PHF14: variants seen among roughly 807,000 people sequenced by gnomAD.
PHF14 encodes PHD finger protein 14.
In PHF14, 55 loss-of-function variants were observed where a neutral mutation model predicts 117.9. The observed-to-expected ratio is 0.47, with a 90% CI of 0.38 to 0.58. The LOEUF (loss-of-function observed/expected upper bound fraction) is 0.58. Among genes scored for constraint, PHF14 ranks in the 20% least tolerant of loss-of-function variants. The pLI is 0.00. For synonymous variants in PHF14, 409 were observed against 368.6 expected (o/e 1.11, Z -1.26); for missense variants, 978 against 1,122.2 (o/e 0.87, Z 1.84).
intron 16 of PHF14, among the ~76,000 whole-genome samples, chr7:11,084,814 A>G (rs1786318385): frequency 6.6e-6 from 1 of 152,138 alleles, no homozygotes; most frequent in African/African-American, 2.4e-5. Context: ...GTATTTTGTA[A>G]CAATCAGTTT....
rs560584305 is a variant in PHF14 at position 11,142,266 on chromosome 7, A to G, written c.2773-27150A>G. Among the ~76,000 whole-genome samples the G allele has an allele frequency of 8.5e-5, 13 of 152,142 alleles. No individual in the cohort carries two copies. In the South Asian group the frequency reaches 2.7e-3, roughly 31 times the overall value. On this transcript the variant is annotated intron_variant, in intron 17 of 17. Transcript: ENST00000634607. Reference sequence around the variant, plus strand: ...TAAACTCAGGTATCTTCACATTTAAAGCTGGTAGAAATACATGATGCCCTT... The same window carrying G: ...TAAACTCAGGTATCTTCACATTTAAGGCTGGTAGAAATACATGATGCCCTT...
chr7:11,013,512 G>A (rs1783424550), intron 4 of PHF14, among the ~76,000 whole-genome samples: 1 of 151,972 alleles, frequency 6.6e-6, no homozygotes, highest in Non-Finnish European at 1.5e-5. Context: ...CACCTTTAAT[G>A]CTTTTACAGT....
intron 3 of PHF14, among the ~76,000 whole-genome samples, chr7:10,987,549 G>C (rs1462319600): frequency 1.3e-5 from 2 of 151,946 alleles, no homozygotes; most frequent in African/African-American, 4.8e-5. Flanking sequence ...TATAAGTAGT[G>C]ATTGATTTAT....
At chr7:11,076,607 G>A (rs1340035857) in intron 16 of PHF14, among the ~76,000 whole-genome samples, 1 of 137,034 alleles carries the variant, frequency 7.3e-6, no homozygotes, top group East Asian at 2.2e-4. Context: ...TCACTGTGTA[G>A]CCCAGGCTGG....
At chr7:11,062,940 A>G in intron 16 of PHF14, 1 of 966,586 alleles carries the variant, frequency 1.0e-6, no homozygotes, top group Non-Finnish European at 1.2e-6. Flanking sequence ...AAGCCCTGTT[A>G]AATTAACTGA....
intron 17 of PHF14, among the ~76,000 whole-genome samples, chr7:11,113,983 T>A (rs1441178897): frequency 6.6e-6 from 1 of 152,118 alleles, no homozygotes; most frequent in African/African-American, 2.4e-5. Flanking sequence ...TTCTCCTACA[T>A]TTGCTTAGGT....
chr7:11,006,024 C>A (rs1373004814), intron 4 of PHF14, among the ~76,000 whole-genome samples: 1 of 151,926 alleles, frequency 6.6e-6, no homozygotes, highest in Non-Finnish European at 1.5e-5. Context: ...GATCTCCAGA[C>A]CTCATGATCT....
chr7:11,142,544 C>G (rs1482036205), intron 17 of PHF14, among the ~76,000 whole-genome samples: 1 of 152,020 alleles, frequency 6.6e-6, no homozygotes, highest in East Asian at 1.9e-4. Flanking sequence ...ACCAAGATAA[C>G]ATCAGCATTT....
chr7:11,014,625 A>G (rs996788916), intron 5 of PHF14, among the ~76,000 whole-genome samples: 2 of 152,148 alleles, frequency 1.3e-5, no homozygotes, highest in African/African-American at 4.8e-5. Context: ...TACTCCACCC[A>G]TACCTGCTGA....
intron 17 of PHF14, among the ~76,000 whole-genome samples, chr7:11,152,135 C>A (rs1302165535): frequency 3.3e-5 from 5 of 151,264 alleles, no homozygotes; most frequent in African/African-American, 1.2e-4. Context: ...GACTTAGGAC[C>A]TTTTAAGATA....
chr7:10,983,372 C>T (rs1170989762), intron 3 of PHF14, among the ~76,000 whole-genome samples: 1 of 152,204 alleles, frequency 6.6e-6, no homozygotes, highest in Non-Finnish European at 1.5e-5. Context: ...AGCTCACAAT[C>T]TCTGTCCTCA....
chr7:11,010,855 A>C (rs568091511), intron 4 of PHF14, among the ~76,000 whole-genome samples: 2 of 151,864 alleles, frequency 1.3e-5, no homozygotes, highest in Non-Finnish European at 2.9e-5. Flanking sequence ...GGGCCTTACT[A>C]TGTTGCCCAG....
rs10215147 is a variant in PHF14 at position 11,026,738 on chromosome 7, T to A, written c.1318-1943T>A. Among the ~76,000 whole-genome samples, 514 of 151,574 alleles carry A rather than the reference T, an allele frequency of 3.4e-3. 3 individuals carry two copies. The highest frequency in any genetic ancestry group is 0.012 in the African/African-American group (487 of 41,298). ...TTGAAGCTTGTTTTTTTTTTTTTTTTAAATTTAATTTATTACAAGGAATTT... is the reference window on the plus strand; with the variant it reads ...TTGAAGCTTGTTTTTTTTTTTTTTTAAAATTTAATTTATTACAAGGAATTT... On this transcript the variant is annotated intron_variant, in intron 6 of 17. Transcript: ENST00000634607.
chr7:11,165,919 G>A (rs1196300593), intron 17 of PHF14, among the ~76,000 whole-genome samples: 1 of 152,126 alleles, frequency 6.6e-6, no homozygotes, highest in Admixed American at 6.5e-5. Context: ...TTGCCACCTG[G>A]AGTATCAGCC....
At chr7:10,981,478 T>C (rs538306866) in intron 2 of PHF14, among the ~76,000 whole-genome samples, 1 of 152,246 alleles carries the variant, frequency 6.6e-6, no homozygotes, top group South Asian at 2.1e-4. Context: ...CTAAGTAGTG[T>C]TGGGTTGAGA....
At chr7:11,038,688 G>C in intron 10 of PHF14, 72 bp from the exon 11 acceptor site, 2 of 528,692 alleles carry the variant, frequency 3.8e-6, no homozygotes, top group Non-Finnish European at 6.4e-6. Context: ...TATATATGTG[G>C]AATAGAAATG....
intron 16 of PHF14, among the ~76,000 whole-genome samples, chr7:11,072,088 A>G (rs1286543384): frequency 1.3e-5 from 2 of 152,168 alleles, no homozygotes; most frequent in Non-Finnish European, 2.9e-5. Context: ...GTAATTTACT[A>G]AGAAAAGATA....
At chr7:11,110,660 A>G (rs1385056696) in intron 16 of PHF14, 1 of 202,982 alleles carries the variant, frequency 4.9e-6, no homozygotes, top group Non-Finnish European at 6.7e-6. Context: ...CGGTCTGAAG[A>G]AAGTGACAGG....
chr7:11,081,253 T>G (rs1583446726), intron 16 of PHF14, among the ~76,000 whole-genome samples: 1 of 152,280 alleles, frequency 6.6e-6, no homozygotes, highest in East Asian at 1.9e-4. Flanking sequence ...TGGGGAATAA[T>G]TTAGCAATGT....
Sources: gnomAD v4.1 joint callset for allele counts (sites outside exome capture counted in the v4.1 genomes callset) on GRCh38, gnomAD v4.1.1 for gene constraint, MANE v1.5 for transcripts, NCBI Gene and HGNC (gene_info 2026-07-23, HGNC 2026-07-21) for gene names.